EPHA3: variants seen among roughly 807,000 people sequenced by gnomAD.
The protein encoded by EPHA3 is ephrin type-A receptor 3.
A neutral mutation model predicts 107.1 loss-of-function variants in EPHA3; 42 were observed. That is an observed-to-expected ratio of 0.39 (90% confidence interval 0.31 to 0.51). EPHA3 has a LOEUF of 0.51. Among genes scored for constraint, EPHA3 ranks in the 20% least tolerant of loss-of-function variants. EPHA3 has a pLI of 0.78. For missense variants in EPHA3, 1,183 were observed against 1,211.2 expected, an observed-to-expected ratio of 0.98 and a Z score of 0.35; for synonymous variants, 461 against 424.8, an observed-to-expected ratio of 1.09 and a Z score of -1.05.
chr3:89,182,306 T>C (rs1330924777), intron 2 of EPHA3, among the ~76,000 whole-genome samples: 2 of 151,940 alleles, frequency 1.3e-5, no homozygotes, highest in African/African-American at 4.8e-5. Context: ...AGTCCGGGAA[T>C]GTATAATTGC....
At chr3:89,432,973 TTAAA>T (rs1464110455) in intron 13 of EPHA3, among the ~76,000 whole-genome samples, 1 of 152,140 alleles carries the variant, frequency 6.6e-6, no homozygotes, top group Non-Finnish European at 1.5e-5. Context: ...CATAATTTAA[TTAAA>T]TAAAGCACTA....
chr3:89,429,706 C>A (rs868476968), intron 12 of EPHA3, among the ~76,000 whole-genome samples: 1 of 147,094 alleles, frequency 6.8e-6, no homozygotes, highest in Admixed American at 6.9e-5. Flanking sequence ...ATCTATCTAT[C>A]TATCTATCTA....
intron 3 of EPHA3, among the ~76,000 whole-genome samples, chr3:89,251,418 A>C (rs1005001870): frequency 4.6e-5 from 7 of 152,060 alleles, no homozygotes; most frequent in Admixed American, 1.3e-4. Flanking sequence ...GGGCCAAATA[A>C]ATTTATCATA....
At chr3:89,377,628 T>C (rs755614108) in intron 5 of EPHA3, among the ~76,000 whole-genome samples, 7 of 152,142 alleles carry the variant, frequency 4.6e-5, no homozygotes, top group Non-Finnish European at 1.0e-4. Flanking sequence ...AAGTTTGCTT[T>C]GCCTCTAGCA....
chr3:89,279,972 G>T (rs1705900058), intron 3 of EPHA3, among the ~76,000 whole-genome samples: 1 of 141,998 alleles, frequency 7.0e-6, no homozygotes, highest in African/African-American at 3.1e-5. Flanking sequence ...ATGAACTCAG[G>T]GGAAAATATA....
chr3:89,376,836 C>CT (rs1441051923), intron 5 of EPHA3, among the ~76,000 whole-genome samples: 41 of 151,974 alleles, frequency 2.7e-4, no homozygotes. Flanking sequence ...TCATAAGGGC[C>CT]TTTTAATTTG....
chr3:89,425,104 A>G (rs1709430148), intron 11 of EPHA3, among the ~76,000 whole-genome samples: 1 of 151,260 alleles, frequency 6.6e-6, no homozygotes, highest in African/African-American at 2.4e-5. Flanking sequence ...GCTCTCATTA[A>G]CTCATAGACG....
chr3:89,145,783 C>G (rs1410825861), intron 2 of EPHA3, among the ~76,000 whole-genome samples: 7 of 151,364 alleles, frequency 4.6e-5, no homozygotes, highest in Admixed American at 2.0e-4. Flanking sequence ...TCAAGTGTGT[C>G]TAGAATCGAT....
At chr3:89,436,735 ACAGT>A (rs1013604762) in intron 13 of EPHA3, among the ~76,000 whole-genome samples, 4 of 152,214 alleles carry the variant, frequency 2.6e-5, no homozygotes, top group African/African-American at 9.6e-5. Context: ...AATTTATCAG[ACAGT>A]CAAAGATATT....
chr3:89,316,245 C>T (rs915931659), intron 3 of EPHA3, among the ~76,000 whole-genome samples: 9 of 151,414 alleles, frequency 5.9e-5, no homozygotes, highest in African/African-American at 2.2e-4. Context: ...AATGTTAACA[C>T]TTAATCAGTC....
chr3:89,261,892 A>G (rs1286314169), intron 3 of EPHA3, among the ~76,000 whole-genome samples: 1 of 151,226 alleles, frequency 6.6e-6, no homozygotes, highest in Non-Finnish European at 1.5e-5. Flanking sequence ...TTTTGCACCA[A>G]CCTAATACCT....
intron 2 of EPHA3, among the ~76,000 whole-genome samples, chr3:89,203,950 T>A (rs1181785039): frequency 1.3e-5 from 2 of 151,938 alleles, no homozygotes; most frequent in Non-Finnish European, 2.9e-5. Flanking sequence ...GGTTGCTGGG[T>A]AAAGCGGAGA....
At chr3:89,335,618 T>G (rs1707376102) in intron 3 of EPHA3, among the ~76,000 whole-genome samples, 1 of 152,212 alleles carries the variant, frequency 6.6e-6, no homozygotes, top group Non-Finnish European at 1.5e-5. Context: ...ATTTTAATTG[T>G]TATCAACTTA....
In EPHA3 at chr3:89,107,830, A is replaced by G. The variant is rs1559734152; in HGVS notation, c.82A>G (p.Asn28Asp). Reference sequence around the variant, plus strand: ...CGGGGAACTGATTCCGCAGCCTTCCAATGAAGGTAAGCCAGGTACCGCGAC... The same window carrying G: ...CGGGGAACTGATTCCGCAGCCTTCCGATGAAGGTAAGCCAGGTACCGCGAC... Reference protein sequence around the residue: ...SFGELIPQPSNEVNLLDSKTI... With the variant: ...SFGELIPQPSDEVNLLDSKTI... The change falls in exon 1 of 17, where the codon AAT (asparagine) becomes GAT (aspartate). Residue 28 changes from asparagine to aspartate, a missense_variant. Coordinates refer to ENST00000336596, the MANE Select transcript of EPHA3 (RefSeq NM_005233.6). 1.2e-6 allele frequency: 2 copies of G among 1,613,912 alleles called. No individual in the cohort carries two copies. Among genetic ancestry groups the G allele is most frequent in the Non-Finnish European group, 8.5e-7 (1 of 1,179,950 alleles).
chr3:89,347,848 C>T (rs890927784), intron 5 of EPHA3, among the ~76,000 whole-genome samples: 1 of 151,016 alleles, frequency 6.6e-6, no homozygotes, highest in Non-Finnish European at 1.5e-5. Context: ...TTGTCAAAGG[C>T]TTTTTCTGCA....
chr3:89,376,792 C>T (rs1347457759), intron 5 of EPHA3, among the ~76,000 whole-genome samples: 1 of 151,992 alleles, frequency 6.6e-6, no homozygotes. Context: ...TTGCCATTTC[C>T]TTAAATGAAC....
At chr3:89,241,888 C>A (rs1483802392) in intron 3 of EPHA3, among the ~76,000 whole-genome samples, 1 of 152,068 alleles carries the variant, frequency 6.6e-6, no homozygotes, top group Non-Finnish European at 1.5e-5. Context: ...TTAACTTTAT[C>A]CCCCTCTCAG....
At chr3:89,112,994 A>G (rs1707149537) in intron 1 of EPHA3, among the ~76,000 whole-genome samples, 1 of 152,200 alleles carries the variant, frequency 6.6e-6, no homozygotes, top group Non-Finnish European at 1.5e-5. Context: ...TTAGAAGAAC[A>G]GATGCAGGTG....
At chr3:89,274,438 G>A (rs1169362846) in intron 3 of EPHA3, among the ~76,000 whole-genome samples, 1 of 151,842 alleles carries the variant, frequency 6.6e-6, no homozygotes, top group Non-Finnish European at 1.5e-5. Context: ...AGTATATTTA[G>A]GGAGGAGAAG....
Sources: allele counts gnomAD v4.1 joint callset (sites outside exome capture counted in the v4.1 genomes callset), GRCh38; gene constraint gnomAD v4.1.1; transcripts MANE v1.5; gene names NCBI Gene and HGNC (gene_info 2026-07-23, HGNC 2026-07-21).